RNF220: variants seen among roughly 807,000 people sequenced by gnomAD.
RNF220 encodes E3 ubiquitin-protein ligase RNF220.
A neutral mutation model predicts 67.1 loss-of-function variants in RNF220; 7 were observed. The ratio of observed to expected loss-of-function variants is 0.10; its 90% confidence interval spans 0.06 to 0.20. The LOEUF is 0.20. Ranked by LOEUF, RNF220 falls within the 10% of genes least tolerant of loss-of-function variation. The pLI, the probability that RNF220 is intolerant of heterozygous loss-of-function variation, is 1.00. For synonymous variants in RNF220, 270 were observed against 283.2 expected, an observed-to-expected ratio of 0.95 and a Z score of 0.47; for missense variants, 565 against 740.3, an observed-to-expected ratio of 0.76 and a Z score of 2.75.
chr1:44,411,742 T>G (rs995575032), intron 1 of RNF220, among the ~76,000 whole-genome samples: 1 of 152,148 alleles, frequency 6.6e-6, no homozygotes, highest in African/African-American at 2.4e-5. Flanking sequence ...TCAGGCGCAT[T>G]TCACCCAGAA....
intron 2 of RNF220, among the ~76,000 whole-genome samples, chr1:44,540,005 T>G (rs1661550439): frequency 6.6e-6 from 1 of 152,250 alleles, no homozygotes; most frequent in Non-Finnish European, 1.5e-5. Flanking sequence ...TGAGGGCCTT[T>G]TGTTTGGCAG....
intron 2 of RNF220, among the ~76,000 whole-genome samples, chr1:44,585,617 C>T (rs988934029): frequency 1.2e-4 from 19 of 152,174 alleles, no homozygotes; most frequent in African/African-American, 4.6e-4. Flanking sequence ...TTAGTGGGAT[C>T]CTAGGGGCTG....
intron 4 of RNF220, among the ~76,000 whole-genome samples, chr1:44,623,854 G>A (rs1318847609): frequency 6.6e-6 from 1 of 152,212 alleles, no homozygotes; most frequent in Non-Finnish European, 1.5e-5. Context: ...AAATGTATCA[G>A]GTGGTCAGCA....
intron 2 of RNF220, among the ~76,000 whole-genome samples, chr1:44,548,667 A>G (rs1166246839): frequency 1.3e-5 from 2 of 151,986 alleles, no homozygotes; most frequent in Non-Finnish European, 2.9e-5. Context: ...TTTAAAAATT[A>G]TTTTTGTAGA....
intron 2 of RNF220, among the ~76,000 whole-genome samples, chr1:44,605,952 C>G (rs574672510): frequency 6.6e-6 from 1 of 152,320 alleles, no homozygotes; most frequent in East Asian, 1.9e-4. Flanking sequence ...CCCAGGACAT[C>G]CCTGGGCACC....
chr1:44,571,300 C>A (rs77855354), intron 2 of RNF220, among the ~76,000 whole-genome samples: 2,916 of 152,274 alleles, frequency 0.019, 93 homozygotes, highest in African/African-American at 0.066. Context: ...ATTTCCTCTA[C>A]CTGAAACACT....
chr1:44,511,916 C>CATGTGTGT lies in RNF220; in HGVS notation c.625+99194_625+99195insATGTGTGT, dbSNP rs1553234670. Among the ~76,000 whole-genome samples, 7 of 147,802 alleles carry CATGTGTGT rather than the reference C, an allele frequency of 4.7e-5. No individual in the cohort carries two copies. The South Asian group carries it at 1.1e-3, about 23-fold the overall frequency. ...AGTAAAATTGAGAAGCGTGTGTGTGCGTGTGTGTGTGTGTGTGTGTGTGTG... is the reference window on the plus strand; with the variant it reads ...AGTAAAATTGAGAAGCGTGTGTGTGCATGTGTGTGTGTGTGTGTGTGTGTGTGTGTGTG... On this transcript the variant is annotated intron_variant, in intron 2 of 14. Transcript: ENST00000361799.
chr1:44,498,157 C>A (rs1460577855), intron 2 of RNF220, among the ~76,000 whole-genome samples: 1 of 151,310 alleles, frequency 6.6e-6, no homozygotes, highest in East Asian at 1.9e-4. Flanking sequence ...GTCCCTATTT[C>A]TTTCATTTAT....
At chr1:44,469,429 A>G (rs1213525561) in intron 2 of RNF220, among the ~76,000 whole-genome samples, 6 of 135,818 alleles carry the variant, frequency 4.4e-5, no homozygotes, top group Non-Finnish European at 9.9e-5. Flanking sequence ...AAGTTCACCT[A>G]GAAAGCACAA....
At chr1:44,602,883 T>G (rs1221546455) in intron 2 of RNF220, among the ~76,000 whole-genome samples, 1 of 152,034 alleles carries the variant, frequency 6.6e-6, no homozygotes, top group Non-Finnish European at 1.5e-5. Context: ...TGCCAGCCAG[T>G]CGTCCCTCCC....
chr1:44,469,669 G>A (rs1557955975), intron 2 of RNF220, among the ~76,000 whole-genome samples: 1 of 152,222 alleles, frequency 6.6e-6, no homozygotes, highest in Admixed American at 6.5e-5. Flanking sequence ...CATTGCAACT[G>A]TAGCAGGCAC....
chr1:44,635,674 G>A, intron 7 of RNF220, 86 bp downstream of exon 7: 9 of 1,608,288 alleles, frequency 5.6e-6, no homozygotes, highest in Non-Finnish European at 7.6e-6. Context: ...AAGGTAGAGG[G>A]GCCATCACCA....
intron 2 of RNF220, chr1:44,423,740 C>T (rs556687598): frequency 3.2e-6 from 2 of 626,278 alleles, no homozygotes; most frequent in South Asian, 1.4e-4. Flanking sequence ...AGAGTACTCG[C>T]TTGGCCGTTA....
intron 2 of RNF220, among the ~76,000 whole-genome samples, chr1:44,515,369 G>A (rs952974616): frequency 4.6e-5 from 7 of 152,166 alleles, no homozygotes; most frequent in Non-Finnish European, 4.4e-5. Context: ...TAATGTAGGT[G>A]TAGTTTGTGT....
intron 2 of RNF220, among the ~76,000 whole-genome samples, chr1:44,481,661 G>A (rs775793998): frequency 6.6e-5 from 10 of 152,036 alleles, no homozygotes; most frequent in Admixed American, 3.9e-4. Flanking sequence ...TCTTTGGTTT[G>A]TTTTTCTTTA....
chr1:44,589,450 T>C (rs2148366221), intron 2 of RNF220, among the ~76,000 whole-genome samples: 1 of 152,006 alleles, frequency 6.6e-6, no homozygotes, highest in African/African-American at 2.4e-5. Context: ...CCGTCTCTAC[T>C]AAAAATACGA....
chr1:44,617,146 C>T (rs1643588828), intron 3 of RNF220, among the ~76,000 whole-genome samples: 1 of 152,260 alleles, frequency 6.6e-6, no homozygotes, highest in African/African-American at 2.4e-5. Context: ...ACGCGCCCCC[C>T]TCCAACCGGG....
intron 2 of RNF220, among the ~76,000 whole-genome samples, chr1:44,546,891 C>T (rs775943321): frequency 2.0e-5 from 3 of 152,324 alleles, no homozygotes; most frequent in East Asian, 3.9e-4. Context: ...CGCCTCCTGG[C>T]GGTCCTCTCT....
At chr1:44,580,035 A>T (rs1220333369) in intron 2 of RNF220, among the ~76,000 whole-genome samples, 252 of 70,906 alleles carry the variant, frequency 3.6e-3, no homozygotes, top group African/African-American at 0.017. Context: ...TCTCACAAAA[A>T]AAAAAAAAAA....
Sources: allele counts gnomAD v4.1 joint callset (sites outside exome capture counted in the v4.1 genomes callset), GRCh38; gene constraint gnomAD v4.1.1; transcripts MANE v1.5; gene names NCBI Gene and HGNC (gene_info 2026-07-23, HGNC 2026-07-21).